Variants in ORC3 observed in about 807,000 individuals in gnomAD.
The protein encoded by ORC3 is homolog of latheo, Drosophila.
ORC3 carries 78 observed loss-of-function variants against 100.7 expected under a neutral mutation model. The observed-to-expected ratio is 0.77, with a 90% CI of 0.65 to 0.94. The LOEUF (loss-of-function observed/expected upper bound fraction) is 0.94, where lower values mean the gene tolerates loss of function less well. Ranked by LOEUF, ORC3 falls within the 40% of genes least tolerant of loss-of-function variation. ORC3 has a pLI of 0.00. For missense variants in ORC3, 789 were observed against 823.9 expected, an observed-to-expected ratio of 0.96 and a Z score of 0.52; for synonymous variants, 295 against 289.3, an observed-to-expected ratio of 1.02 and a Z score of -0.20.
At chr6:87,649,780 A>C (rs1463317734) in intron 13 of ORC3, among the ~76,000 whole-genome samples, 2 of 152,140 alleles carry the variant, frequency 1.3e-5, no homozygotes, top group Non-Finnish European at 2.9e-5. Flanking sequence ...ACCCTCTGTA[A>C]TTTTGTTTCA....
chr6:87,653,030 A>G, intron 13 of ORC3, 86 bp from the exon 14 acceptor site: 3 of 1,017,022 alleles, frequency 2.9e-6, no homozygotes, highest in Non-Finnish European at 4.1e-6. Context: ...CTGAGCGGAA[A>G]CATTTAATAT....
chr6:87,675,301 T>C, the ORC3 span: 35,937 of 440,110 alleles, frequency 0.082, 1,577 homozygotes, highest in African/African-American at 0.12. Flanking sequence ...GGGCATGTTC[T>C]AGAATACCAG....
At chr6:87,643,735 TTTC>T in intron 13 of ORC3, among the ~76,000 whole-genome samples, 1 of 152,258 alleles carries the variant, frequency 6.6e-6, no homozygotes, top group African/African-American at 2.4e-5. Flanking sequence ...TGACAACTCT[TTTC>T]TTTCTTTCTT....
chr6:87,643,527 G>T (rs1768448256), intron 13 of ORC3, among the ~76,000 whole-genome samples: 1 of 152,136 alleles, frequency 6.6e-6, no homozygotes, highest in African/African-American at 2.4e-5. Context: ...TCTCAAATTG[G>T]CTCGAAAACT....
intron 14 of ORC3, among the ~76,000 whole-genome samples, chr6:87,654,589 T>G (rs2128290856): frequency 6.6e-6 from 1 of 152,332 alleles, no homozygotes; most frequent in East Asian, 1.9e-4. Context: ...TCTTAACCAC[T>G]AGTTCATTGT....
In ORC3 at chr6:87,621,965, A is replaced by G. The variant is rs948922519; in HGVS notation, c.1137A>G (p.Gln379=). The change falls in exon 11 of 20, where the codon CAA becomes CAG. Residue 379 remains glutamine, a synonymous_variant. Coordinates refer to ENST00000392844, the MANE Select transcript of ORC3 (RefSeq NM_012381.4). ...LPSFRRYVEK[Q]ASEKQVALLT... The stretch of plus-strand genomic sequence containing the variant: ...AAAATTCTAGGTACGTGGAAAAGCA[A>G]GCTTCAGAAAAGCAAGTTGCGCTCT... 3 of 1,607,166 alleles carry G rather than the reference A, an allele frequency of 1.9e-6. No homozygotes were observed. The Admixed American group carries it at 5.1e-5, about 27-fold the overall frequency.
At chr6:87,601,696 G>C in intron 2 of ORC3, 88 bp from the exon 3 acceptor site, 2 of 752,582 alleles carry the variant, frequency 2.7e-6, no homozygotes, top group Non-Finnish European at 4.4e-6. Context: ...TTTCACTTCT[G>C]TCACTTACTG....
At chr6:87,594,791 G>T (rs372642155) in intron 2 of ORC3, among the ~76,000 whole-genome samples, 2 of 152,050 alleles carry the variant, frequency 1.3e-5, no homozygotes, top group African/African-American at 4.8e-5. Flanking sequence ...AGGCTGACTG[G>T]CAACCCAGAT....
chr6:87,641,615 C>T (rs968894867), intron 13 of ORC3, among the ~76,000 whole-genome samples: 6 of 152,118 alleles, frequency 3.9e-5, no homozygotes, highest in Non-Finnish European at 7.4e-5. Flanking sequence ...AAGAAACAGA[C>T]TTACAAATCG....
chr6:87,616,669 G>C (rs956626666), intron 9 of ORC3, among the ~76,000 whole-genome samples: 1 of 152,122 alleles, frequency 6.6e-6, no homozygotes, highest in Admixed American at 6.6e-5. Context: ...AACCATTTTG[G>C]GGGTAGGGGC....
chr6:87,622,785 T>G (rs1334152978), intron 11 of ORC3, among the ~76,000 whole-genome samples: 1 of 152,210 alleles, frequency 6.6e-6, no homozygotes, highest in Non-Finnish European at 1.5e-5. Context: ...TACAATATTC[T>G]GCACCTTGTT....
chr6:87,609,178 A>G lies in ORC3; in HGVS notation c.662A>G (p.Asp221Gly), dbSNP rs558130478. The G allele has an allele frequency of 8.7e-6, 14 of 1,610,962 alleles. No homozygotes were observed. In the African/African-American group the frequency reaches 1.9e-4, roughly 21 times the overall value. The stretch of plus-strand genomic sequence containing the variant: ...CCTCCTGTTGTCGTTATCTTGAAGG[A>G]TATGGAAAGCTTTGCCACAAAAGTA... ...QSPPVVVILK[D>G]MESFATKVLQ... Residue 221 changes from aspartate (D) to glycine (G), a missense_variant, in exon 7 of 20, where the codon GAT becomes GGT. Asp to Gly is a moderately conservative substitution (Grantham distance 94). Transcript: ENST00000392844.
At chr6:87,653,000 TGAA>T (rs1195144740) in intron 13 of ORC3, 113 bp from the exon 14 acceptor site, 1 of 770,516 alleles carries the variant, frequency 1.3e-6, no homozygotes, top group African/African-American at 1.8e-5. Flanking sequence ...TAGCTACTAA[TGAA>T]GAATTTCTTT....
At chr6:87,645,884 C>T (rs1768727091) in intron 13 of ORC3, among the ~76,000 whole-genome samples, 1 of 152,104 alleles carries the variant, frequency 6.6e-6, no homozygotes, top group Non-Finnish European at 1.5e-5. Context: ...TTTTTCTCAA[C>T]TCCTGTGACA....
At chr6:87,601,202 C>T (rs1324309439) in intron 2 of ORC3, among the ~76,000 whole-genome samples, 1 of 151,644 alleles carries the variant, frequency 6.6e-6, no homozygotes, top group African/African-American at 2.4e-5. Context: ...CTCAAAAAAG[C>T]CACTTAATAA....
chr6:87,621,354 C>G lies in ORC3; in HGVS notation c.988C>G (p.Leu330Val). ...TGTTTAATCTTCACATGTCTTTCAGCTTTCTCTATTAGAGCATTTCTATTC... is the reference window on the plus strand; with the variant it reads ...TGTTTAATCTTCACATGTCTTTCAGGTTTCTCTATTAGAGCATTTCTATTC... ...SVQNFIKGLQ[L>V]SLLEHFYSQP... The change falls in exon 10 of 20, where the codon CTT becomes GTT. Residue 330 changes from leucine (L) to valine (V), a missense_variant and splice_region_variant. Coordinates refer to ENST00000392844, the MANE Select transcript of ORC3 (RefSeq NM_012381.4). 2 of 1,510,278 alleles carry G rather than the reference C, an allele frequency of 1.3e-6. No homozygotes were observed. The highest frequency in any genetic ancestry group is 2.5e-5 in the East Asian group (1 of 40,050). The allele number at this position is 1,510,278 out of a possible 1,614,324, so 93.6% of individuals were successfully genotyped here. A position where few individuals can be genotyped will look rare whatever the true frequency, so the allele number is the denominator to read the frequency against.
chr6:87,673,163 T>A, the ORC3 span, among the ~76,000 whole-genome samples: 136 of 138,312 alleles, frequency 9.8e-4, 2 homozygotes, highest in East Asian at 0.02. Flanking sequence ...AATTTTTTTT[T>A]TTTTTTTTTT....
chr6:87,671,933 C>T (rs1770842202), downstream of ORC3, among the ~76,000 whole-genome samples: 1 of 152,140 alleles, frequency 6.6e-6, no homozygotes, highest in Non-Finnish European at 1.5e-5. Flanking sequence ...TAACCCGAAA[C>T]TTGCGAAAAC....
chr6:87,632,689 C>G (rs776749234), intron 11 of ORC3, among the ~76,000 whole-genome samples: 3 of 152,024 alleles, frequency 2.0e-5, no homozygotes, highest in Non-Finnish European at 4.4e-5. Context: ...ATGGTGAAAC[C>G]CTATCTCTAC....
Sources: gnomAD v4.1 joint callset for allele counts (sites outside exome capture counted in the v4.1 genomes callset) on GRCh38, gnomAD v4.1.1 for gene constraint, MANE v1.5 for transcripts, NCBI Gene and HGNC (gene_info 2026-07-23, HGNC 2026-07-21) for gene names.